MAPKAP1: variants seen among roughly 807,000 people sequenced by gnomAD.
MAPKAP1 encodes MAPK associated protein 1.
A neutral mutation model predicts 65.7 loss-of-function variants in MAPKAP1; 20 were observed. The ratio of observed to expected loss-of-function variants is 0.30; its 90% CI spans 0.21 to 0.44. The LOEUF is 0.44. MAPKAP1 is among the 20% of genes least tolerant of loss of function. The pLI is 1.00. For missense variants in MAPKAP1, 423 were observed against 648.0 expected (o/e 0.65, Z 3.77); for synonymous variants, 222 against 244.3 (o/e 0.91, Z 0.85).
intron 4 of MAPKAP1, among the ~76,000 whole-genome samples, chr9:125,623,034 G>A (rs1464516740): frequency 6.6e-6 from 1 of 151,606 alleles, no homozygotes; most frequent in African/African-American, 2.4e-5. Flanking sequence ...CTAACCGCGA[G>A]TGATCCGCCA....
chr9:125,594,122 C>T (rs567253545), intron 4 of MAPKAP1, among the ~76,000 whole-genome samples: 5 of 152,314 alleles, frequency 3.3e-5, no homozygotes, highest in South Asian at 2.1e-4. Flanking sequence ...GTTTAGGCTT[C>T]GTCAGCTTTG....
At chr9:125,491,275 C>A (rs1435061007) in intron 8 of MAPKAP1, among the ~76,000 whole-genome samples, 2 of 151,784 alleles carry the variant, frequency 1.3e-5, no homozygotes, top group Non-Finnish European at 1.5e-5. Context: ...AAAACTCTGA[C>A]TCTACAAAAA....
At chr9:125,677,875 A>G (rs1834697385) in intron 1 of MAPKAP1, among the ~76,000 whole-genome samples, 1 of 152,196 alleles carries the variant, frequency 6.6e-6, no homozygotes, top group Non-Finnish European at 1.5e-5. Flanking sequence ...AGGGATATCC[A>G]TGCACAGTAG....
intron 8 of MAPKAP1, among the ~76,000 whole-genome samples, chr9:125,500,757 A>T (rs967212120): frequency 1.3e-5 from 2 of 152,252 alleles, no homozygotes; most frequent in African/African-American, 4.8e-5. Flanking sequence ...AGTATTACAT[A>T]TCCAAGAAAT....
intron 4 of MAPKAP1, among the ~76,000 whole-genome samples, chr9:125,633,089 T>C (rs923533889): frequency 1.3e-5 from 2 of 152,176 alleles, no homozygotes; most frequent in African/African-American, 2.4e-5. Context: ...AAGTGAGCTG[T>C]TGTAAATGCA....
At chr9:125,602,182 G>C (rs547370167) in intron 4 of MAPKAP1, among the ~76,000 whole-genome samples, 3 of 152,326 alleles carry the variant, frequency 2.0e-5, no homozygotes, top group Admixed American at 2.0e-4. Flanking sequence ...GAGTCTGGGA[G>C]GTTGAGGCTA....
intron 4 of MAPKAP1, among the ~76,000 whole-genome samples, chr9:125,622,871 G>C (rs1297892968): frequency 2.0e-5 from 3 of 152,076 alleles, no homozygotes; most frequent in Admixed American, 2.0e-4. Context: ...AAGCTGGACT[G>C]TACTGCTGCC....
chr9:125,528,360 A>G (rs1829832600), intron 7 of MAPKAP1, among the ~76,000 whole-genome samples: 1 of 152,192 alleles, frequency 6.6e-6, no homozygotes, highest in Non-Finnish European at 1.5e-5. Flanking sequence ...TTTACTGCTC[A>G]TGAATTTACC....
At position 125,625,273 on chromosome 9, in the gene MAPKAP1, A is replaced by ATAAAT. The variant is rs1564589726; in HGVS notation, c.498+32377_498+32378insATTTA. ...AAATAAATAAAAAAAAAAAAAAAAA[A>ATAAAT]AAAAAAACAAGGGAGAGAATTTACA... On this transcript the variant is annotated intron_variant, in intron 4 of 11. Coordinates refer to ENST00000265960, the MANE Select transcript of MAPKAP1 (RefSeq NM_001006617.3). Among the ~76,000 whole-genome samples, 183 of 148,722 alleles carry ATAAAT rather than the reference A, an allele frequency of 1.2e-3. 1 individual carries two copies. The highest frequency in any genetic ancestry group is 4.5e-3 in the African/African-American group (182 of 40,838).
intron 7 of MAPKAP1, among the ~76,000 whole-genome samples, chr9:125,520,270 A>G (rs1166711728): frequency 6.6e-6 from 1 of 152,204 alleles, no homozygotes; most frequent in East Asian, 1.9e-4. Flanking sequence ...TAAAGTCTGT[A>G]GCTTTAGCTG....
At chr9:125,678,111 T>C (rs375399940) in intron 1 of MAPKAP1, among the ~76,000 whole-genome samples, 2 of 151,442 alleles carry the variant, frequency 1.3e-5, no homozygotes, top group East Asian at 1.9e-4. Flanking sequence ...AGAGATGGGG[T>C]TTTACCACAT....
chr9:125,626,211 T>C (rs1169907719), intron 4 of MAPKAP1, among the ~76,000 whole-genome samples: 1 of 152,220 alleles, frequency 6.6e-6, no homozygotes, highest in East Asian at 1.9e-4. Flanking sequence ...TCAGAAATAC[T>C]GGAAAGAACA....
intron 1 of MAPKAP1, among the ~76,000 whole-genome samples, chr9:125,704,602 G>GT: frequency 6.6e-6 from 1 of 152,156 alleles, no homozygotes; most frequent in African/African-American, 2.4e-5. Flanking sequence ...GATCCTCGAA[G>GT]TATTTATTAA....
intron 7 of MAPKAP1, among the ~76,000 whole-genome samples, chr9:125,530,098 T>G (rs1184605733): frequency 6.6e-6 from 1 of 151,794 alleles, no homozygotes; most frequent in Non-Finnish European, 1.5e-5. Flanking sequence ...AGAACAGGAG[T>G]TGGGTGGTTC....
At chr9:125,541,075 A>T (rs1168337542) in intron 7 of MAPKAP1, among the ~76,000 whole-genome samples, 1 of 152,210 alleles carries the variant, frequency 6.6e-6, no homozygotes, top group Non-Finnish European at 1.5e-5. Flanking sequence ...TAAATGTATC[A>T]ATCTCAATTG....
intron 4 of MAPKAP1, chr9:125,650,346 C>T (rs977354655): frequency 2.6e-5 from 4 of 152,178 alleles, no homozygotes; most frequent in African/African-American, 9.7e-5. Context: ...TTAAAGAGAA[C>T]ACCTCTACCA....
intron 4 of MAPKAP1, among the ~76,000 whole-genome samples, chr9:125,622,557 T>G (rs2131659240): frequency 6.6e-6 from 1 of 151,946 alleles, no homozygotes; most frequent in South Asian, 2.1e-4. Flanking sequence ...GCAATTCTCC[T>G]GCCTCAGCCT....
intron 4 of MAPKAP1, among the ~76,000 whole-genome samples, chr9:125,604,054 T>C (rs1208499685): frequency 6.6e-6 from 1 of 152,226 alleles, no homozygotes; most frequent in African/African-American, 2.4e-5. Flanking sequence ...ACCTATTTGC[T>C]TCCCTAAAAG....
chr9:125,578,371 A>G (rs1403960251), intron 5 of MAPKAP1, among the ~76,000 whole-genome samples: 1 of 151,868 alleles, frequency 6.6e-6, no homozygotes, highest in East Asian at 1.9e-4. Context: ...TCCCTCCACT[A>G]TTGTCCTGTG....
Sources: gnomAD v4.1 joint callset for allele counts (sites outside exome capture counted in the v4.1 genomes callset) on GRCh38, gnomAD v4.1.1 for gene constraint, MANE v1.5 for transcripts, NCBI Gene and HGNC (gene_info 2026-07-23, HGNC 2026-07-21) for gene names.